The following PARD3 variants were observed in gnomAD, a reference collection of about 807,000 sequenced individuals.
The protein encoded by PARD3 is partitioning defective 3 homolog.
A neutral mutation model predicts 155.4 loss-of-function variants in PARD3; 75 were observed. That is an observed-to-expected ratio of 0.48 (90% CI 0.40 to 0.58). PARD3 has a LOEUF of 0.58. Among genes scored for constraint, PARD3 ranks in the 20% least tolerant of loss-of-function variants. The probability of loss-of-function intolerance (pLI) is 0.00; values close to 1 mark genes in which losing one functional copy is unlikely to be tolerated. For missense variants in PARD3, 1,642 were observed against 1,721.7 expected, an observed-to-expected ratio of 0.95 and a Z score of 0.82; for synonymous variants, 576 against 610.5, an observed-to-expected ratio of 0.94 and a Z score of 0.83.
chr10:34,433,808 T>G (rs2076061600), intron 5 of PARD3, among the ~76,000 whole-genome samples: 1 of 152,162 alleles, frequency 6.6e-6, no homozygotes, highest in Admixed American at 6.5e-5. Context: ...CAGAAAGCCC[T>G]TTATAATAAC....
chr10:34,164,392 T>G (rs1949425642), intron 22 of PARD3, among the ~76,000 whole-genome samples: 2 of 152,342 alleles, frequency 1.3e-5, no homozygotes, highest in South Asian at 4.1e-4. Context: ...CTCCAGGAAT[T>G]AATCAAAAAT....
intron 2 of PARD3, among the ~76,000 whole-genome samples, chr10:34,562,187 G>A (rs1050872540): frequency 2.9e-5 from 4 of 137,062 alleles, no homozygotes; most frequent in Admixed American, 7.7e-5. Context: ...CTATAATCCC[G>A]GCACTTTGGG....
At chr10:34,702,751 C>T (rs1211857344) in intron 1 of PARD3, among the ~76,000 whole-genome samples, 1 of 152,192 alleles carries the variant, frequency 6.6e-6, no homozygotes, top group Admixed American at 6.5e-5. Context: ...GAATCTGGCC[C>T]AGTCCAGGGA....
At chr10:34,268,615 C>A (rs1955455573) in intron 22 of PARD3, among the ~76,000 whole-genome samples, 1 of 152,060 alleles carries the variant, frequency 6.6e-6, no homozygotes, top group Non-Finnish European at 1.5e-5. Context: ...AGGATGAGTT[C>A]ATGTCCTTTG....
At chr10:34,546,117 C>G (rs1253346060) in intron 2 of PARD3, among the ~76,000 whole-genome samples, 1 of 151,984 alleles carries the variant, frequency 6.6e-6, no homozygotes, top group African/African-American at 2.4e-5. Context: ...CTTTTAAAAC[C>G]TAACAAATTA....
chr10:34,399,845 C>T (rs1461131459), intron 6 of PARD3, among the ~76,000 whole-genome samples: 1 of 152,186 alleles, frequency 6.6e-6, no homozygotes, highest in Non-Finnish European at 1.5e-5. Flanking sequence ...ACCAAGGACT[C>T]TAAAGATTAA....
At chr10:34,415,410 A>G (rs1022200507) in intron 5 of PARD3, among the ~76,000 whole-genome samples, 1 of 152,224 alleles carries the variant, frequency 6.6e-6, no homozygotes, top group Admixed American at 6.5e-5. Context: ...AAGCAAAATC[A>G]ATAATATAAA....
intron 2 of PARD3, among the ~76,000 whole-genome samples, chr10:34,553,396 C>T (rs1297743201): frequency 6.6e-6 from 1 of 152,058 alleles, no homozygotes; most frequent in Non-Finnish European, 1.5e-5. Context: ...GAAGTTAAGG[C>T]CTTTGAAAGT....
At chr10:34,241,689 A>G (rs1953606809) in intron 22 of PARD3, among the ~76,000 whole-genome samples, 1 of 152,062 alleles carries the variant, frequency 6.6e-6, no homozygotes, top group Non-Finnish European at 1.5e-5. Context: ...CCACAGATGC[A>G]CTCCAGGGTA....
At chr10:34,303,471 C>CA (rs10647298) in intron 20 of PARD3, among the ~76,000 whole-genome samples, 4,025 of 146,628 alleles carry the variant, frequency 0.027, 161 homozygotes, top group African/African-American at 0.089. Context: ...ACCTCCATTC[C>CA]AAAAAAAAAA....
chr10:34,499,496 C>A (rs2080528850), intron 3 of PARD3, among the ~76,000 whole-genome samples: 2 of 151,420 alleles, frequency 1.3e-5, no homozygotes, highest in Admixed American at 1.3e-4. Flanking sequence ...CAAATTGAAA[C>A]AGATTTTTTA....
rs1839785026 is a variant in PARD3 at position 34,364,579 on chromosome 10, C to G, written c.1708-4320G>C. ...CCAAGTAGCTAGCTGGGACCCCAGG[C>G]ACACCACCAAGCCTGACTAACTTTT... is the stretch of plus-strand genomic sequence containing the variant. On this transcript the variant is annotated intron_variant, in intron 12 of 24. Coordinates refer to ENST00000374788, the MANE Select transcript of PARD3 (RefSeq NM_001184785.2). Among the ~76,000 whole-genome samples the G allele has an allele frequency of 2.6e-5, 4 of 152,146 alleles. No individual in the cohort carries two copies. In the South Asian group the frequency reaches 8.3e-4, roughly 32 times the overall value.
chr10:34,223,088 A>G (rs1952396377), intron 22 of PARD3, among the ~76,000 whole-genome samples: 1 of 152,130 alleles, frequency 6.6e-6, no homozygotes, highest in African/African-American at 2.4e-5. Flanking sequence ...AGGTTCTGAG[A>G]GATGAAGCTG....
At chr10:34,184,616 G>T (rs975670242) in intron 22 of PARD3, among the ~76,000 whole-genome samples, 13 of 151,766 alleles carry the variant, frequency 8.6e-5, no homozygotes, top group African/African-American at 2.7e-4. Flanking sequence ...CTTTAACTAG[G>T]TCTTCCTCTG....
chr10:34,675,271 T>C (rs1325848237), intron 2 of PARD3, among the ~76,000 whole-genome samples: 2 of 152,222 alleles, frequency 1.3e-5, no homozygotes, highest in Admixed American at 6.5e-5. Context: ...TGTCAGATTG[T>C]ATCATTCTGA....
At chr10:34,767,470 C>G (rs1173702029) in intron 1 of PARD3, among the ~76,000 whole-genome samples, 2 of 152,148 alleles carry the variant, frequency 1.3e-5, no homozygotes, top group Non-Finnish European at 2.9e-5. Context: ...GAACACTCAG[C>G]AGCCTGACGG....
At chr10:34,151,828 TATA>T (rs1206488576) in intron 22 of PARD3, among the ~76,000 whole-genome samples, 14 of 152,196 alleles carry the variant, frequency 9.2e-5, no homozygotes, top group African/African-American at 3.4e-4. Context: ...CAGGCAAAGA[TATA>T]ATATCTCTAA....
intron 22 of PARD3, among the ~76,000 whole-genome samples, chr10:34,136,844 C>T (rs1302060587): frequency 6.6e-6 from 1 of 152,184 alleles, no homozygotes; most frequent in African/African-American, 2.4e-5. Flanking sequence ...GTAATTGTCC[C>T]CTGACCCAAA....
chr10:34,256,260 T>TC (rs1954648895), intron 22 of PARD3, among the ~76,000 whole-genome samples: 1 of 152,246 alleles, frequency 6.6e-6, no homozygotes, highest in South Asian at 2.1e-4. Context: ...CATCAGGGAA[T>TC]CCTCTGGCCT....
Sources: allele counts gnomAD v4.1 joint callset (sites outside exome capture counted in the v4.1 genomes callset), GRCh38; gene constraint gnomAD v4.1.1; transcripts MANE v1.5; gene names NCBI Gene and HGNC (gene_info 2026-07-23, HGNC 2026-07-21).